Variants in SLC17A1 observed in about 807,000 individuals in gnomAD.
SLC17A1 encodes the protein solute carrier family 17 member 1, also known as sodium-dependent phosphate transport protein 1.
Under a neutral mutation model 53.5 loss-of-function variants are expected in SLC17A1, and 51 were observed. The ratio of observed to expected loss-of-function variants is 0.95; its 90% CI spans 0.76 to 1.20. The LOEUF (loss-of-function observed/expected upper bound fraction) is 1.20. SLC17A1 is among the 50% of genes most tolerant of loss of function. SLC17A1 has a pLI of 0.00. For synonymous variants in SLC17A1, 179 were observed against 198.8 expected (o/e 0.90, Z 0.84); for missense variants, 538 against 568.2 (o/e 0.95, Z 0.54).
chr6:25,777,655 A>G, the SLC17A1 span: 1 of 327,030 alleles, frequency 3.1e-6, no homozygotes. Flanking sequence ...CATCTTGCAT[A>G]AACAATGTTG....
intron 10 of SLC17A1, among the ~76,000 whole-genome samples, chr6:25,805,098 A>G (rs1056198745): frequency 2.0e-5 from 3 of 152,116 alleles, no homozygotes; most frequent in Non-Finnish European, 4.4e-5. Flanking sequence ...TTATCAGCAC[A>G]TGAAACATTA....
At chr6:25,764,356 G>A in the SLC17A1 span, among the ~76,000 whole-genome samples, 1 of 152,156 alleles carries the variant, frequency 6.6e-6, no homozygotes, top group Non-Finnish European at 1.5e-5. Flanking sequence ...CTGCAGGAAA[G>A]ATATACTGCC....
chr6:25,827,428 T>C lies in SLC17A1; in HGVS notation c.35-795A>G, dbSNP rs372122692. Among the ~76,000 whole-genome samples the C allele has an allele frequency of 3.9e-5, 6 of 152,158 alleles. 1 individual carries two copies. The East Asian group carries it at 5.8e-4, about 15-fold the overall frequency. On this transcript the variant is annotated intron_variant, in intron 2 of 12. Transcript: ENST00000244527. Reference sequence around the variant, plus strand: ...TTATACACAACAATTTGGATAAATCTGGATGAATTTCAACAAAAACATGTT... The same window carrying C: ...TTATACACAACAATTTGGATAAATCCGGATGAATTTCAACAAAAACATGTT...
At chr6:25,726,896 G>A in the SLC17A1 span, 4 of 1,606,750 alleles carry the variant, frequency 2.5e-6, no homozygotes, top group South Asian at 4.5e-5. Context: ...CGCTGCAGAA[G>A]TGTGTGGTAG....
the SLC17A1 span, among the ~76,000 whole-genome samples, chr6:25,745,515 T>C: frequency 2.0e-5 from 3 of 152,210 alleles, no homozygotes; most frequent in Non-Finnish European, 2.9e-5. Flanking sequence ...AACATTTACT[T>C]GGTCTTTGGT....
At chr6:25,817,796 A>G (rs1191650657) in intron 6 of SLC17A1, among the ~76,000 whole-genome samples, 1 of 152,208 alleles carries the variant, frequency 6.6e-6, no homozygotes, top group Admixed American at 6.5e-5. Context: ...TTATTTATAT[A>G]AAGTCCTACA....
chr6:25,775,898 T>C, the SLC17A1 span, among the ~76,000 whole-genome samples: 1 of 152,176 alleles, frequency 6.6e-6, no homozygotes, highest in African/African-American at 2.4e-5. Flanking sequence ...AATCTTCATA[T>C]CAGTACATGA....
intron 12 of SLC17A1, among the ~76,000 whole-genome samples, chr6:25,797,733 G>T (rs1763632077): frequency 6.6e-6 from 1 of 151,552 alleles, no homozygotes; most frequent in Non-Finnish European, 1.5e-5. Context: ...CTAAATAACT[G>T]GGATTACAGG....
chr6:25,727,619 A>G, the SLC17A1 span, among the ~76,000 whole-genome samples: 1 of 151,660 alleles, frequency 6.6e-6, no homozygotes, highest in Non-Finnish European at 1.5e-5. Context: ...CTCAAACTCG[A>G]TCTGGTGATC....
chr6:25,796,488 C>T (rs1460169752), intron 12 of SLC17A1, among the ~76,000 whole-genome samples: 1 of 151,928 alleles, frequency 6.6e-6, no homozygotes, highest in Non-Finnish European at 1.5e-5. Flanking sequence ...TGCCTATAGT[C>T]CCAGCTACCC....
chr6:25,778,947 G>C (rs1763160346), downstream of SLC17A1: 1 of 1,436,058 alleles, frequency 7.0e-7, no homozygotes, highest in East Asian at 2.3e-5. Flanking sequence ...ATGGAAGCCA[G>C]AGTGGAGGTC....
At chr6:25,724,041 A>G in the SLC17A1 span, among the ~76,000 whole-genome samples, 1 of 152,250 alleles carries the variant, frequency 6.6e-6, no homozygotes. Context: ...AAAACATAAT[A>G]AAAGAAACCC....
chr6:25,743,756 G>A, the SLC17A1 span, among the ~76,000 whole-genome samples: 91 of 152,284 alleles, frequency 6.0e-4, no homozygotes, highest in African/African-American at 2.1e-3. Context: ...CCTGGCCTGG[G>A]AAAATTAGGT....
the SLC17A1 span, among the ~76,000 whole-genome samples, chr6:25,759,400 G>A: frequency 6.6e-6 from 1 of 152,080 alleles, no homozygotes; most frequent in African/African-American, 2.4e-5. Context: ...GTGGAGTACT[G>A]AAGTCCCCCA....
chr6:25,727,004 G>A, the SLC17A1 span: 9 of 1,614,200 alleles, frequency 5.6e-6, no homozygotes, highest in South Asian at 1.1e-5. Context: ...AAAAGCGCAA[G>A]AGGACCCGTA....
rs756816883 is a variant in SLC17A1, at chr6:25,831,503, C to T, written c.-51+491G>A. On this transcript the variant is annotated intron_variant, in intron 1 of 12. Transcript: ENST00000244527. ...CACACAAACCACCCATACGTATGCA[C>T]CACATACATACATACAACATAAACA... 2.6e-5 allele frequency among the ~76,000 whole-genome samples: 4 copies of T among 152,106 alleles called. No individual in the cohort carries two copies. The South Asian group carries it at 8.3e-4, about 31-fold the overall frequency.
At chr6:25,777,966 C>T (rs1001227913), downstream of SLC17A1, 2 of 1,613,068 alleles carry the variant, frequency 1.2e-6, no homozygotes, top group Non-Finnish European at 1.7e-6. Context: ...AGTCTTTGCA[C>T]ACATAGCTGG....
At chr6:25,726,353 G>C in the SLC17A1 span, 2 of 1,614,178 alleles carry the variant, frequency 1.2e-6, no homozygotes, top group African/African-American at 1.3e-5. Flanking sequence ...TCTGCTGTGA[G>C]ATACTCTAAC....
chr6:25,824,588 C>T (rs1029543504), intron 3 of SLC17A1, among the ~76,000 whole-genome samples: 1 of 151,610 alleles, frequency 6.6e-6, no homozygotes, highest in African/African-American at 2.4e-5. Flanking sequence ...TTACGAGATG[C>T]CTTCATGATA....
Sources: allele counts gnomAD v4.1 joint callset (sites outside exome capture counted in the v4.1 genomes callset), GRCh38; gene constraint gnomAD v4.1.1; transcripts MANE v1.5; gene names NCBI Gene and HGNC (gene_info 2026-07-23, HGNC 2026-07-21).